Variants in MCPH1 observed in about 807,000 individuals in gnomAD.
MCPH1 encodes the protein microcephalin.
MCPH1 carries 104 observed loss-of-function variants against 84.5 expected under a neutral mutation model. The ratio of observed to expected loss-of-function variants is 1.23; its 90% CI spans 1.05 to 1.45. MCPH1 has a LOEUF of 1.45. Ranked by LOEUF, MCPH1 falls within the 40% of genes most tolerant of loss-of-function variation. MCPH1 has a pLI of 0.00. For missense variants in MCPH1, 1,498 were observed against 1,005.7 expected (o/e 1.49, Z -6.62); for synonymous variants, 514 against 366.8 (o/e 1.40, Z -4.58).
At chr8:6,535,219 C>G (rs1054136346) in intron 12 of MCPH1, among the ~76,000 whole-genome samples, 2 of 152,196 alleles carry the variant, frequency 1.3e-5, no homozygotes, top group Non-Finnish European at 2.9e-5. Context: ...AATGAATCCT[C>G]TAATACTGCC....
chr8:6,609,137 G>A (rs548665781), intron 12 of MCPH1, among the ~76,000 whole-genome samples: 106 of 152,188 alleles, frequency 7.0e-4, no homozygotes, highest in African/African-American at 2.5e-3. Context: ...TTTTAAGGAT[G>A]AAATCAAAGT....
chr8:6,597,563 C>T (rs17631156), intron 12 of MCPH1, among the ~76,000 whole-genome samples: 19 of 152,224 alleles, frequency 1.2e-4, no homozygotes, highest in African/African-American at 3.9e-4. Flanking sequence ...TTCACCAGCT[C>T]GGCCAAGAGT....
At chr8:6,564,518 G>T (rs908274315) in intron 12 of MCPH1, among the ~76,000 whole-genome samples, 4 of 152,166 alleles carry the variant, frequency 2.6e-5, no homozygotes, top group African/African-American at 9.7e-5. Context: ...ATACTTCAGA[G>T]ATTAATAATA....
At chr8:6,435,421 T>C (rs575444355) in intron 4 of MCPH1, among the ~76,000 whole-genome samples, 85 of 152,200 alleles carry the variant, frequency 5.6e-4, no homozygotes, top group African/African-American at 2.0e-3. Context: ...CTCAGGCAGT[T>C]TCATAGGCAG....
chr8:6,583,317 G>A (rs933805287), intron 12 of MCPH1, among the ~76,000 whole-genome samples: 1 of 151,958 alleles, frequency 6.6e-6, no homozygotes, highest in Non-Finnish European at 1.5e-5. Context: ...AATAATAGCT[G>A]GCAGAGTGTC....
intron 4 of MCPH1, among the ~76,000 whole-genome samples, chr8:6,434,057 A>G (rs1022658312): frequency 5.9e-5 from 9 of 152,106 alleles, no homozygotes; most frequent in African/African-American, 2.2e-4. Flanking sequence ...TTTCTCTGTG[A>G]GACCTATCCT....
In MCPH1 at chr8:6,466,941, T is replaced by C. The variant is rs559805124; in HGVS notation, c.1936-10653T>C. The stretch of plus-strand genomic sequence containing the variant: ...ACTCTTCACACTTTTAAAAAAGTTA[T>C]TGCCTTCCAAATAATATTTAGGAAT... On this transcript the variant is annotated intron_variant, in intron 9 of 13. Transcript: ENST00000344683. 2.6e-5 allele frequency among the ~76,000 whole-genome samples: 4 copies of C among 152,362 alleles called. No homozygotes were observed. The East Asian group carries it at 7.7e-4, about 29-fold the overall frequency.
chr8:6,482,513 A>G (rs1262667919), intron 11 of MCPH1, among the ~76,000 whole-genome samples: 1 of 152,222 alleles, frequency 6.6e-6, no homozygotes, highest in Non-Finnish European at 1.5e-5. Flanking sequence ...CTGTGTCTTC[A>G]TCTGACTACT....
rs538155810 is a variant in MCPH1 at position 6,440,403 on chromosome 8, T to C, written c.580+1307T>C. Among the ~76,000 whole-genome samples the C allele has an allele frequency of 2.8e-4, 42 of 152,304 alleles. No individual in the cohort carries two copies. The South Asian group carries it at 8.7e-3, about 32-fold the overall frequency. On this transcript the variant is annotated intron_variant, in intron 6 of 13. Coordinates refer to ENST00000344683, the MANE Select transcript of MCPH1 (RefSeq NM_024596.5). The stretch of plus-strand genomic sequence containing the variant: ...ACTAATTCATACATGCAGAATTTGA[T>C]TTTTTAAAGACATAGAGTCTCCCTG...
At chr8:6,420,827 C>G (rs552854965) in intron 3 of MCPH1, among the ~76,000 whole-genome samples, 1 of 152,294 alleles carries the variant, frequency 6.6e-6, no homozygotes, top group East Asian at 1.9e-4. Flanking sequence ...GGGTTTGCAG[C>G]AACTTCAGTT....
Position 6,444,822 on chromosome 8 carries a change from CGAAG to C in MCPH1, c.1104_1107del (p.Glu369AsnfsTer73). The C allele has an allele frequency of 6.2e-7, 1 of 1,614,062 alleles. No homozygotes were observed. Among genetic ancestry groups the C allele is most frequent in the Non-Finnish European group, 8.5e-7 (1 of 1,180,012 alleles). Reference sequence around the variant, plus strand: ...GTATCACATGGCTCCCATTCACCTCCGAAGGAAAAATGCAAGAGAAAGAGGAGCA... The same window carrying C: ...GTATCACATGGCTCCCATTCACCTCCGAAAAATGCAAGAGAAAGAGGAGCA... On this transcript the variant is annotated frameshift_variant, in exon 8 of 14. Coordinates refer to ENST00000344683, the MANE Select transcript of MCPH1 (RefSeq NM_024596.5). LOFTEE classifies it high-confidence loss of function.
intron 4 of MCPH1, among the ~76,000 whole-genome samples, chr8:6,433,413 A>C (rs1420360338): frequency 2.6e-5 from 4 of 152,116 alleles, no homozygotes; most frequent in Non-Finnish European, 5.9e-5. Flanking sequence ...CGGGCAAATC[A>C]GTTGAGGCCA....
intron 9 of MCPH1, chr8:6,474,356 C>G: frequency 2.5e-6 from 1 of 402,906 alleles, no homozygotes; most frequent in Non-Finnish European, 4.6e-6. Flanking sequence ...ATCACCAAGT[C>G]AGAACAAAGT....
rs1450422411 is a variant in MCPH1, at chr8:6,455,270, T to C, written c.1935+18T>C. 3 of 1,549,944 alleles carry C rather than the reference T, an allele frequency of 1.9e-6. No individual in the cohort carries two copies. Among genetic ancestry groups the C allele is most frequent in the Admixed American group, 3.3e-5 (2 of 59,958 alleles). The stretch of plus-strand genomic sequence containing the variant: ...GCAAAAAGGTCAGTGTGTAAAAATA[T>C]TATTTTAAACTTTCAAATGCTGATA... On this transcript the variant is annotated intron_variant, in intron 9 of 13. Coordinates refer to ENST00000344683, the MANE Select transcript of MCPH1 (RefSeq NM_024596.5).
intron 9 of MCPH1, among the ~76,000 whole-genome samples, chr8:6,468,699 A>G (rs140161982): frequency 6.7e-6 from 1 of 149,572 alleles, no homozygotes; most frequent in African/African-American, 2.5e-5. Flanking sequence ...CCAAGACAGT[A>G]AGTATTGAAA....
intron 9 of MCPH1, among the ~76,000 whole-genome samples, chr8:6,468,973 G>A (rs1210865387): frequency 5.3e-5 from 8 of 152,158 alleles, no homozygotes; most frequent in Admixed American, 5.2e-4. Context: ...AGGATCGCTT[G>A]AGGCCAGGAG....
At chr8:6,550,058 C>G (rs1468149260) in intron 12 of MCPH1, among the ~76,000 whole-genome samples, 1 of 152,198 alleles carries the variant, frequency 6.6e-6, no homozygotes, top group Non-Finnish European at 1.5e-5. Context: ...GCTGTCAGCA[C>G]TGATGTTGCC....
chr8:6,588,493 C>G (rs972903514), intron 12 of MCPH1, among the ~76,000 whole-genome samples: 5 of 152,092 alleles, frequency 3.3e-5, no homozygotes, highest in African/African-American at 1.2e-4. Context: ...TGGGGACATG[C>G]TAGGATGGCA....
At chr8:6,621,375 G>A (rs1267790945) in intron 12 of MCPH1, 79 bp from the exon 13 acceptor site, 1 of 1,550,032 alleles carries the variant, frequency 6.5e-7, no homozygotes, top group Non-Finnish European at 8.9e-7. Context: ...AAAAAAGGAA[G>A]TAAACTGCAA....
Sources: allele counts gnomAD v4.1 joint callset (sites outside exome capture counted in the v4.1 genomes callset), GRCh38; gene constraint gnomAD v4.1.1; transcripts MANE v1.5; gene names NCBI Gene and HGNC (gene_info 2026-07-23, HGNC 2026-07-21).